The following ST8SIA1 variants were observed in gnomAD, a reference collection of about 807,000 sequenced individuals.
ST8SIA1 encodes ST8 alpha-N-acetyl-neuraminide alpha-2,8-sialyltransferase 1.
A neutral mutation model predicts 35.9 loss-of-function variants in ST8SIA1; 16 were observed. The observed-to-expected ratio is 0.45, with a 90% confidence interval of 0.30 to 0.68. The LOEUF (loss-of-function observed/expected upper bound fraction) is 0.68. Ranked by LOEUF, ST8SIA1 falls within the 30% of genes least tolerant of loss-of-function variation. ST8SIA1 has a pLI of 0.09. For missense variants in ST8SIA1, 383 were observed against 453.6 expected, an observed-to-expected ratio of 0.84 and a Z score of 1.41; for synonymous variants, 170 against 169.6, an observed-to-expected ratio of 1.00 and a Z score of -0.02.
intron 1 of ST8SIA1, among the ~76,000 whole-genome samples, chr12:22,301,295 T>C (rs189574436): frequency 2.2e-5 from 3 of 134,636 alleles, no homozygotes; most frequent in African/African-American, 8.1e-5. Flanking sequence ...CATGGAGAGC[T>C]GAAATGTTTA....
intron 1 of ST8SIA1, among the ~76,000 whole-genome samples, chr12:22,295,466 T>C (rs1054193278): frequency 1.3e-5 from 2 of 152,088 alleles, no homozygotes; most frequent in Non-Finnish European, 2.9e-5. Flanking sequence ...GGCACTGTGG[T>C]TCACACCTGT....
intron 2 of ST8SIA1, among the ~76,000 whole-genome samples, chr12:22,272,478 G>A (rs558942216): frequency 2.6e-4 from 39 of 152,340 alleles, no homozygotes; most frequent in African/African-American, 8.2e-4. Context: ...TCTCTGGCAA[G>A]AGGTTGTTTG....
chr12:22,219,432 G>GA, intron 4 of ST8SIA1, among the ~76,000 whole-genome samples: 1 of 152,110 alleles, frequency 6.6e-6, no homozygotes, highest in Non-Finnish European at 1.5e-5. Flanking sequence ...CAGTGGAAGG[G>GA]AGCACCAGCT....
intron 1 of ST8SIA1, 27 bp downstream of exon 1, chr12:22,333,970 G>A (rs1866807077): frequency 6.2e-7 from 1 of 1,602,960 alleles, no homozygotes; most frequent in Non-Finnish European, 8.5e-7. Flanking sequence ...GGACGCTAGA[G>A]GGGAGGAGCC....
intron 4 of ST8SIA1, among the ~76,000 whole-genome samples, chr12:22,247,890 C>T (rs576494582): frequency 1.3e-5 from 2 of 151,872 alleles, no homozygotes; most frequent in Admixed American, 6.6e-5. Context: ...CGAAAGTAGG[C>T]AAAAAATACA....
chr12:22,212,819 C>T (rs1193135442), intron 4 of ST8SIA1, among the ~76,000 whole-genome samples: 2 of 152,180 alleles, frequency 1.3e-5, no homozygotes, highest in African/African-American at 4.8e-5. Context: ...CTCAATTCTG[C>T]TAAGAGGTAG....
At chr12:22,322,306 G>C (rs1202274262) in intron 1 of ST8SIA1, among the ~76,000 whole-genome samples, 3 of 152,180 alleles carry the variant, frequency 2.0e-5, no homozygotes, top group Admixed American at 1.3e-4. Flanking sequence ...TGCTGTATGG[G>C]GGAAGGCCTG....
intron 4 of ST8SIA1, among the ~76,000 whole-genome samples, chr12:22,240,500 A>T (rs1182293419): frequency 6.6e-6 from 1 of 152,156 alleles, no homozygotes; most frequent in Non-Finnish European, 1.5e-5. Context: ...GCCTTGATAC[A>T]AACAATGATA....
intron 1 of ST8SIA1, among the ~76,000 whole-genome samples, chr12:22,288,422 G>A (rs1364024483): frequency 2.0e-5 from 3 of 152,170 alleles, no homozygotes; most frequent in Non-Finnish European, 4.4e-5. Context: ...GAACGTACTG[G>A]TAGAGCAAAC....
At chr12:22,245,911 G>A (rs923770385) in intron 4 of ST8SIA1, among the ~76,000 whole-genome samples, 4 of 152,206 alleles carry the variant, frequency 2.6e-5, no homozygotes, top group African/African-American at 9.7e-5. Flanking sequence ...CAGATAAGAA[G>A]GTGGAGGTTT....
Position 22,201,981 on chromosome 12 carries a change from G to C in ST8SIA1, c.642C>G (p.Asn214Lys). ...AGGCAGGCATGTAGATGTAACTGTG[G>C]TTATAAATTTTCATGTTGTCCACAA... Reference protein sequence around the residue: ...KTFVDNMKIYNHSYIYMPAFS... With the variant: ...KTFVDNMKIYKHSYIYMPAFS... Residue 214 changes from asparagine to lysine, a missense_variant, in exon 5 of 5, where the codon AAC becomes AAG. Transcript: ENST00000396037. 2 of 1,613,570 alleles carry C rather than the reference G, an allele frequency of 1.2e-6. No homozygotes were observed. Among genetic ancestry groups the C allele is most frequent in the Non-Finnish European group, 1.7e-6 (2 of 1,179,788 alleles).
At chr12:22,311,906 T>A (rs12303299) in intron 1 of ST8SIA1, among the ~76,000 whole-genome samples, 3,508 of 152,250 alleles carry the variant, frequency 0.023, 121 homozygotes, top group African/African-American at 0.08. Flanking sequence ...TTAGGCTTCA[T>A]CCCATAGTCA....
At chr12:22,241,876 C>T (rs1351063553) in intron 4 of ST8SIA1, among the ~76,000 whole-genome samples, 1 of 151,886 alleles carries the variant, frequency 6.6e-6, no homozygotes, top group Non-Finnish European at 1.5e-5. Flanking sequence ...TATTCCTCCT[C>T]CCCCCCATAA....
At chr12:22,223,499 C>T in intron 4 of ST8SIA1, 2 of 998,938 alleles carry the variant, frequency 2.0e-6, no homozygotes, top group Non-Finnish European at 2.4e-6. Flanking sequence ...GATGCTGGCG[C>T]AGCCAATGTC....
intron 1 of ST8SIA1, among the ~76,000 whole-genome samples, chr12:22,321,319 A>G (rs1003118342): frequency 6.6e-6 from 1 of 150,448 alleles, no homozygotes; most frequent in Non-Finnish European, 1.5e-5. Flanking sequence ...CCGCCAGGTG[A>G]AAGAACCAGA....
intron 4 of ST8SIA1, among the ~76,000 whole-genome samples, chr12:22,212,000 T>G (rs1204852798): frequency 6.6e-6 from 1 of 152,206 alleles, no homozygotes; most frequent in Non-Finnish European, 1.5e-5. Flanking sequence ...CATGAGCCAC[T>G]GCACCCGGCC....
Position 22,249,213 on chromosome 12 carries a change from GTTTTTTGTT to G in ST8SIA1, c.492-124_492-116del, listed in dbSNP as rs1235001839. The stretch of plus-strand genomic sequence containing the variant: ...AGCTGAATTCACGAGTAACTGTTTT[GTTTTTTGTT>G]TTTTTTTTTTTTTTGAGATGGAGTC... On this transcript the variant is annotated intron_variant, in intron 3 of 4. Transcript: ENST00000396037. 9.6e-4 allele frequency: 442 copies of G among 461,508 alleles called. 2 individuals carry two copies. The highest frequency in any genetic ancestry group is 8.4e-3 in the African/African-American group (374 of 44,268). The allele number at this position is 461,508 out of a possible 1,614,324, so 28.6% of individuals were successfully genotyped here.
chr12:22,308,650 A>T (rs1378910104), intron 1 of ST8SIA1, among the ~76,000 whole-genome samples: 1 of 152,180 alleles, frequency 6.6e-6, no homozygotes, highest in Non-Finnish European at 1.5e-5. Context: ...ACTTTCCTCC[A>T]GTCCATTACC....
At chr12:22,231,607 T>C (rs1767834621) in intron 4 of ST8SIA1, among the ~76,000 whole-genome samples, 1 of 152,044 alleles carries the variant, frequency 6.6e-6, no homozygotes, top group Non-Finnish European at 1.5e-5. Flanking sequence ...GGAGTCTTGC[T>C]CTGTCACCCA....
Sources: allele counts gnomAD v4.1 joint callset (sites outside exome capture counted in the v4.1 genomes callset), GRCh38; gene constraint gnomAD v4.1.1; transcripts MANE v1.5; gene names NCBI Gene and HGNC (gene_info 2026-07-23, HGNC 2026-07-21).